The following PPP1R10 variants were observed in gnomAD, a reference collection of about 807,000 sequenced individuals.
The protein encoded by PPP1R10 is serine/threonine-protein phosphatase 1 regulatory subunit 10.
In PPP1R10, 15 loss-of-function variants were observed where a neutral mutation model predicts 99.0. That is an observed-to-expected ratio of 0.15 (90% CI 0.10 to 0.23). PPP1R10 has a LOEUF of 0.23. Ranked by LOEUF, PPP1R10 falls within the 10% of genes least tolerant of loss-of-function variation. The pLI is 1.00. For missense variants in PPP1R10, 947 were observed against 1,259.4 expected, an observed-to-expected ratio of 0.75 and a Z score of 3.75; for synonymous variants, 430 against 449.5, an observed-to-expected ratio of 0.96 and a Z score of 0.55.
chr6:30,614,971 C>T (rs927561552), intron 2 of PPP1R10, among the ~76,000 whole-genome samples: 1 of 152,132 alleles, frequency 6.6e-6, no homozygotes, highest in Non-Finnish European at 1.5e-5. Context: ...CGAGCACAGG[C>T]AGTGCAAAAG....
At chr6:30,613,238 A>G (rs556916765) in intron 2 of PPP1R10, among the ~76,000 whole-genome samples, 4 of 152,230 alleles carry the variant, frequency 2.6e-5, no homozygotes, top group African/African-American at 7.2e-5. Flanking sequence ...CAGCATAGCT[A>G]AAGTTATTCC....
chr6:30,601,134 T>C lies in PPP1R10; in HGVS notation c.*415A>G, dbSNP rs1378774510. 5.3e-6 allele frequency: 1 copy of C among 187,680 alleles called. No homozygotes were observed. The highest frequency in any genetic ancestry group is 2.3e-5 in the African/African-American group (1 of 42,560). The allele number at this position is 187,680 out of a possible 1,614,324, so 11.6% of individuals were successfully genotyped here. On this transcript the variant is annotated 3_prime_UTR_variant, in exon 20 of 20. Transcript: ENST00000376511. The stretch of plus-strand genomic sequence containing the variant: ...TAATGAACTTAGCTGGGATGATTTC[T>C]TAAGTGCAGCTGATCCTGTGTCAGA...
Position 30,602,319 on chromosome 6 carries a change from A to T in PPP1R10, c.2330T>A (p.Met777Lys), listed in dbSNP as rs1295970216. 1 of 1,610,872 alleles carries T rather than the reference A, an allele frequency of 6.2e-7. No individual in the cohort carries two copies. Among genetic ancestry groups the T allele is most frequent in the Non-Finnish European group, 8.5e-7 (1 of 1,179,358 alleles). The stretch of plus-strand genomic sequence containing the variant: ...TTCATGGGGGCGATGCCCACTTCCC[A>T]TGCCACCGCCAGGGCCTTCGTGGGG... ...HRPHEGPGGG[M>K]GSGHRPHEGP... The change falls in exon 19 of 20, where the codon ATG becomes AAG. Residue 777 changes from methionine (M) to lysine (K), a missense_variant. Around this residue, in one of 10 missense-constraint regions of PPP1R10, gnomAD observed 525 missense variants for 578.8 expected, o/e 0.91. Transcript: ENST00000376511. The surrounding 1 kb of genome is among the most constrained non-coding windows in gnomAD (Gnocchi z 6.7).
chr6:30,605,881 T>C, intron 10 of PPP1R10, 42 bp downstream of exon 10: 5 of 1,502,552 alleles, frequency 3.3e-6, no homozygotes, highest in Admixed American at 2.0e-5. Flanking sequence ...AAAAAAAAGT[T>C]TGCTCCTAAT....
At position 30,609,534 on chromosome 6, in the gene PPP1R10, T is replaced by G. The variant is rs1804332566; in HGVS notation, c.107+304A>C. On this transcript the variant is annotated intron_variant, in intron 3 of 19. Coordinates refer to ENST00000376511, the MANE Select transcript of PPP1R10 (RefSeq NM_002714.4). The surrounding 1 kb of genome is among the most constrained non-coding windows in gnomAD (Gnocchi z 4.5). ...TGAGAATCCCTGAAGGAAAATAACATTATGGGTAGGTGGAACACGAACCAA... is the reference window on the plus strand; with the variant it reads ...TGAGAATCCCTGAAGGAAAATAACAGTATGGGTAGGTGGAACACGAACCAA... Among the ~76,000 whole-genome samples the G allele has an allele frequency of 6.6e-6, 1 of 152,174 alleles. No homozygotes were observed. The highest frequency in any genetic ancestry group is 6.5e-5 in the Admixed American group (1 of 15,274).
Position 30,604,317 on chromosome 6 carries a change from T to G in PPP1R10, c.1261+36A>C. On this transcript the variant is annotated intron_variant, in intron 13 of 19. Transcript: ENST00000376511. The surrounding 1 kb of genome is among the most constrained non-coding windows in gnomAD (Gnocchi z 7.3). ...CACAACCAAGTCCTTTCAAAATCCC[T>G]TAAACACACCTATTACGTAGGAAAT... 1 of 1,613,978 alleles carries G rather than the reference T, an allele frequency of 6.2e-7. No individual in the cohort carries two copies. The highest frequency in any genetic ancestry group is 8.5e-7 in the Non-Finnish European group (1 of 1,179,880).
Position 30,606,395 on chromosome 6 carries a change from C to CA in PPP1R10, c.634+72dup. 1 of 1,587,372 alleles carries CA rather than the reference C, an allele frequency of 6.3e-7. No individual in the cohort carries two copies. The highest frequency in any genetic ancestry group is 8.6e-7 in the Non-Finnish European group (1 of 1,163,034). On this transcript the variant is annotated intron_variant, in intron 8 of 19. Transcript: ENST00000376511. This position sits in a 1 kb window ranked among gnomAD's most constrained non-coding sequence, Gnocchi z 6.3. Reference sequence around the variant, plus strand: ...TCCTTACGATTAACATACCACACATCAAATGATTCCCCCATAAGGCTCTGG... The same window carrying CA: ...TCCTTACGATTAACATACCACACATCAAAATGATTCCCCCATAAGGCTCTGG...
chr6:30,603,720 G>A, intron 15 of PPP1R10, 54 bp from the exon 16 acceptor site: 1 of 1,551,266 alleles, frequency 6.4e-7, no homozygotes, highest in Non-Finnish European at 8.7e-7. Context: ...ATTCTCATAT[G>A]AAAGATGCAC....
Position 30,600,768 on chromosome 6 carries a change from T to G in PPP1R10, c.*781A>C, listed in dbSNP as rs1282526713. Reference sequence around the variant, plus strand: ...TCAGGCCCAGCACGCCGGGCCCAAGTTGATGAGAAGCTGGTCTCACTGAAG... The same window carrying G: ...TCAGGCCCAGCACGCCGGGCCCAAGGTGATGAGAAGCTGGTCTCACTGAAG... On this transcript the variant is annotated 3_prime_UTR_variant, in exon 20 of 20. Transcript: ENST00000376511. 1 of 152,614 alleles carries G rather than the reference T, an allele frequency of 6.6e-6. No homozygotes were observed. The highest frequency in any genetic ancestry group is 1.5e-5 in the Non-Finnish European group (1 of 68,066). 9.5% of individuals were successfully genotyped at this position (152,614 alleles called of 1,614,324 possible). A position where few individuals can be genotyped will look rare whatever the true frequency, so the allele number is the denominator to read the frequency against.
At chr6:30,608,110 T>C (rs1027943347) in intron 5 of PPP1R10, among the ~76,000 whole-genome samples, 2 of 151,210 alleles carry the variant, frequency 1.3e-5, no homozygotes, top group Non-Finnish European at 2.9e-5. Flanking sequence ...CACCTGAGCC[T>C]CCTAAATAAC....
rs1803453746 is a variant in PPP1R10 at position 30,602,496 on chromosome 6, G to A, written c.2153C>T (p.Pro718Leu). Residue 718 changes from proline (P) to leucine (L), a missense_variant, in exon 19 of 20, where the codon CCT becomes CTT. By Grantham distance (98) the Pro-to-Leu change is moderately conservative. Around this residue, in one of 10 missense-constraint regions of PPP1R10, gnomAD observed 525 missense variants for 578.8 expected, o/e 0.91. Transcript: ENST00000376511. The surrounding 1 kb of genome is among the most constrained non-coding windows in gnomAD (Gnocchi z 6.7). Reference protein sequence around the residue: ...GGRGGNEPPPPPPPFRGARGG... With the variant: ...GGRGGNEPPPLPPPFRGARGG... ...TCTGGCGCCTCGGAATGGAGGAGGA[G>A]GAGGAGGAGGTTCGTTTCCTCCTCG... The A allele has an allele frequency of 5.1e-6, 8 of 1,576,974 alleles. No homozygotes were observed. Among genetic ancestry groups the A allele is most frequent in the Non-Finnish European group, 6.9e-6 (8 of 1,159,322 alleles).
At chr6:30,615,247 A>T (rs1358525771) in intron 2 of PPP1R10, among the ~76,000 whole-genome samples, 2 of 152,112 alleles carry the variant, frequency 1.3e-5, no homozygotes, top group South Asian at 4.1e-4. Context: ...AAAAAAAAAA[A>T]AATCAAAAAC....
Position 30,601,933 on chromosome 6 carries a change from C to T in PPP1R10, c.2713+3G>A. On this transcript the variant is annotated splice_donor_region_variant and intron_variant, in intron 19 of 19. Transcript: ENST00000376511. Reference sequence around the variant, plus strand: ...GCATATGGGGGACAGGGAGCATCCTCACCTCCTCCATGGCTGTGGCCTCCA... The same window carrying T: ...GCATATGGGGGACAGGGAGCATCCTTACCTCCTCCATGGCTGTGGCCTCCA... 1 of 1,504,682 alleles carries T rather than the reference C, an allele frequency of 6.6e-7. No individual in the cohort carries two copies. Among genetic ancestry groups the T allele is most frequent in the African/African-American group, 1.4e-5 (1 of 71,524 alleles). The allele number at this position is 1,504,682 out of a possible 1,614,324, so 93.2% of individuals were successfully genotyped here.
chr6:30,614,948 T>A (rs546611531), intron 2 of PPP1R10, among the ~76,000 whole-genome samples: 6 of 152,186 alleles, frequency 3.9e-5, no homozygotes, highest in Non-Finnish European at 8.8e-5. Flanking sequence ...AAATGTCTTC[T>A]CCCTAGCAGC....
Position 30,602,668 on chromosome 6 carries a change from G to A in PPP1R10, c.1981C>T (p.Pro661Ser). The stretch of plus-strand genomic sequence containing the variant: ...GGACCCAGAAGACGTGGACCCACTG[G>A]CCCACCAGGGCCTCCATGGGGACCT... ...MPGPHGGPGG[P>S]VGPRLLGPPP... Residue 661 changes from proline to serine, a missense_variant, in exon 19 of 20, where the codon CCA becomes TCA. Physicochemically the swap from Pro to Ser is moderately conservative, Grantham distance 74. Coordinates refer to ENST00000376511, the MANE Select transcript of PPP1R10 (RefSeq NM_002714.4). The surrounding 1 kb of genome is among the most constrained non-coding windows in gnomAD (Gnocchi z 6.7). The A allele has an allele frequency of 7.6e-6, 12 of 1,586,578 alleles. No individual in the cohort carries two copies. The highest frequency in any genetic ancestry group is 1.0e-5 in the Non-Finnish European group (12 of 1,169,388).
In PPP1R10 at chr6:30,606,789, G is replaced by A; in HGVS notation, c.450C>T (p.Thr150=). 6.2e-7 allele frequency: 1 copy of A among 1,614,034 alleles called. No individual in the cohort carries two copies. Among genetic ancestry groups the A allele is most frequent in the Non-Finnish European group, 8.5e-7 (1 of 1,179,920 alleles). ...WMAVIRSQSS[T]QPAEKDKKKR... Reference sequence around the variant, plus strand: ...GACTAAGGAGCTTACCAGCAGGCTGGGTACTGCTCTGAGAGCGGATGACAG... The same window carrying A: ...GACTAAGGAGCTTACCAGCAGGCTGAGTACTGCTCTGAGAGCGGATGACAG... The change falls in exon 7 of 20, where the codon ACC becomes ACT. Residue 150 remains threonine, a synonymous_variant. Coordinates refer to ENST00000376511, the MANE Select transcript of PPP1R10 (RefSeq NM_002714.4). This position sits in a 1 kb window ranked among gnomAD's most constrained non-coding sequence, Gnocchi z 6.3.
At chr6:30,605,734 C>G (rs1803863487) in intron 10 of PPP1R10, 189 bp downstream of exon 10, 1 of 617,462 alleles carries the variant, frequency 1.6e-6, no homozygotes, top group Non-Finnish European at 2.8e-6. Flanking sequence ...GTGGCGGGCA[C>G]CAGTAGTCCC....
chr6:30,604,190 A>G lies in PPP1R10; in HGVS notation c.1326T>C (p.His442=). 6.2e-7 allele frequency: 1 copy of G among 1,614,162 alleles called. No individual in the cohort carries two copies. The highest frequency in any genetic ancestry group is 8.5e-7 in the Non-Finnish European group (1 of 1,180,042). ...AAKREILSDR[H]AFETARRLSH... ...TCAGACGCCGCGCTGTCTCAAATGC[A>G]TGTCGGTCTGACAGTATCTCTCGCT... Residue 442 remains histidine (H), a synonymous_variant, in exon 14 of 20, where the codon CAT becomes CAC. Transcript: ENST00000376511. The surrounding 1 kb of genome is among the most constrained non-coding windows in gnomAD (Gnocchi z 7.3).
chr6:30,604,757 T>A lies in PPP1R10; in HGVS notation c.955-22A>T, dbSNP rs748450277. On this transcript the variant is annotated intron_variant, in intron 11 of 19. Coordinates refer to ENST00000376511, the MANE Select transcript of PPP1R10 (RefSeq NM_002714.4). The surrounding 1 kb of genome is among the most constrained non-coding windows in gnomAD (Gnocchi z 7.3). The stretch of plus-strand genomic sequence containing the variant: ...TTGGCTATTGTGAAAGAAAAGGAAG[T>A]TAATGAACTGACTGGAAAGCCAAGG... 4 of 1,612,784 alleles carry A rather than the reference T, an allele frequency of 2.5e-6. No homozygotes were observed. Among genetic ancestry groups the A allele is most frequent in the Non-Finnish European group, 3.4e-6 (4 of 1,179,974 alleles).
Sources: gnomAD v4.1 joint callset for allele counts (sites outside exome capture counted in the v4.1 genomes callset) on GRCh38, gnomAD v4.1.1 for gene constraint, gnomAD v4.1.1 regional missense constraint, Gnocchi (gnomAD v3.1) non-coding constraint, MANE v1.5 for transcripts, NCBI Gene and HGNC (gene_info 2026-07-23, HGNC 2026-07-21) for gene names.